Variants in MKLN1 observed in about 807,000 individuals in gnomAD.
MKLN1 encodes the protein muskelin.
In MKLN1, 18 loss-of-function variants were observed where a neutral mutation model predicts 99.0. The observed-to-expected ratio is 0.18, with a 90% CI of 0.13 to 0.27. The LOEUF (loss-of-function observed/expected upper bound fraction) is 0.27. Among genes scored for constraint, MKLN1 ranks in the 10% least tolerant of loss-of-function variants. The pLI, the probability that MKLN1 is intolerant of heterozygous loss-of-function variation, is 1.00. For synonymous variants in MKLN1, 288 were observed against 293.2 expected, an observed-to-expected ratio of 0.98 and a Z score of 0.18; for missense variants, 621 against 875.9, an observed-to-expected ratio of 0.71 and a Z score of 3.67.
intron 1 of MKLN1, among the ~76,000 whole-genome samples, chr7:131,133,813 T>TTGAG (rs397697604): frequency 8.1e-6 from 1 of 123,844 alleles, no homozygotes; most frequent in Non-Finnish European, 1.6e-5. Context: ...TTTTTTTTTT[T>TTGAG]AATTTGGTTT....
At chr7:131,316,105 G>A (rs531384284) in intron 3 of MKLN1, among the ~76,000 whole-genome samples, 1 of 152,276 alleles carries the variant, frequency 6.6e-6, no homozygotes, top group East Asian at 1.9e-4. Flanking sequence ...TCCTTAAGTG[G>A]GTCCCTGACC....
At chr7:131,396,088 A>G (rs1045941367) in intron 4 of MKLN1, among the ~76,000 whole-genome samples, 2 of 151,848 alleles carry the variant, frequency 1.3e-5, no homozygotes, top group African/African-American at 2.4e-5. Flanking sequence ...ATTTTTTTCC[A>G]CTGAGACACA....
intron 1 of MKLN1, among the ~76,000 whole-genome samples, chr7:131,116,798 ACTG>A (rs1216461791): frequency 6.6e-6 from 1 of 152,132 alleles, no homozygotes; most frequent in African/African-American, 2.4e-5. Flanking sequence ...GTGCATCACA[ACTG>A]CAGTGACATC....
chr7:131,345,581 T>G lies in MKLN1; in HGVS notation c.98+17584T>G, dbSNP rs553466769. ...AACGTTAAATTAGTCGGGTGTGGTG[T>G]TGTGCTCCTGTAGTTCTAGCTACTT... is the stretch of plus-strand genomic sequence containing the variant. On this transcript the variant is annotated intron_variant, in intron 1 of 17. Transcript: ENST00000352689. Among the ~76,000 whole-genome samples the G allele has an allele frequency of 1.1e-4, 17 of 152,186 alleles. No homozygotes were observed. The East Asian group carries it at 1.5e-3, about 14-fold the overall frequency.
intron 1 of MKLN1, among the ~76,000 whole-genome samples, chr7:131,345,427 A>G (rs1182457496): frequency 6.6e-6 from 1 of 152,354 alleles, no homozygotes; most frequent in East Asian, 1.9e-4. Flanking sequence ...TTGGGTTTTC[A>G]GATTCTCAAA....
intron 17 of MKLN1, among the ~76,000 whole-genome samples, chr7:131,483,449 A>G (rs560257696): frequency 2.0e-5 from 3 of 152,202 alleles, no homozygotes; most frequent in African/African-American, 7.2e-5. Flanking sequence ...GCCTCTGGTC[A>G]CAACATTTTA....
chr7:131,460,249 T>C (rs866101487), intron 12 of MKLN1, among the ~76,000 whole-genome samples: 3 of 152,206 alleles, frequency 2.0e-5, no homozygotes, highest in Non-Finnish European at 4.4e-5. Flanking sequence ...GGTCCCTCTC[T>C]TTTACACTGT....
intron 14 of MKLN1, among the ~76,000 whole-genome samples, chr7:131,465,263 T>C (rs560335732): frequency 6.6e-6 from 1 of 152,236 alleles, no homozygotes; most frequent in African/African-American, 2.4e-5. Flanking sequence ...TTAAATGCTT[T>C]TGTATACATA....
At chr7:131,399,142 A>T in intron 5 of MKLN1, 99 bp from the exon 6 acceptor site, 1 of 1,003,754 alleles carries the variant, frequency 1.0e-6, no homozygotes, top group Admixed American at 2.2e-5. Context: ...GTGTTAATAA[A>T]TGCTCAGTGT....
rs1797199992 is a variant in MKLN1, at chr7:131,483,979, T to G, written c.2087-3628T>G. Among the ~76,000 whole-genome samples the G allele has an allele frequency of 2.6e-5, 4 of 152,206 alleles. No individual in the cohort carries two copies. In the South Asian group the frequency reaches 8.3e-4, roughly 31 times the overall value. Reference sequence around the variant, plus strand: ...GTATATACGCATGCATACACTCATATAAATATATAGGTTTGTATGGGCTGT... The same window carrying G: ...GTATATACGCATGCATACACTCATAGAAATATATAGGTTTGTATGGGCTGT... On this transcript the variant is annotated intron_variant, in intron 17 of 17. Transcript: ENST00000352689.
At chr7:131,378,614 G>T (rs1210645921) in intron 2 of MKLN1, among the ~76,000 whole-genome samples, 1 of 152,166 alleles carries the variant, frequency 6.6e-6, no homozygotes, top group Non-Finnish European at 1.5e-5. Flanking sequence ...TGGATCACTT[G>T]TGCTCAGGAG....
Position 131,350,346 on chromosome 7 carries a change from C to T in MKLN1, c.98+22349C>T, listed in dbSNP as rs76207829. On this transcript the variant is annotated intron_variant, in intron 1 of 17. Transcript: ENST00000352689. ...GAGTTCTGGAATTACAGGCATGAGCCGCTGCACCTGGCCTTCGTTATCTAT... is the reference window on the plus strand; with the variant it reads ...GAGTTCTGGAATTACAGGCATGAGCTGCTGCACCTGGCCTTCGTTATCTAT... Among the ~76,000 whole-genome samples the T allele has an allele frequency of 3.3e-3, 499 of 152,074 alleles. 11 individuals are homozygous for T. In the East Asian group the frequency reaches 0.064, roughly 19 times the overall value.
intron 15 of MKLN1, 98 bp downstream of exon 15, chr7:131,466,513 A>G (rs1371899286): frequency 5.8e-6 from 5 of 859,256 alleles, no homozygotes; most frequent in African/African-American, 1.7e-5. Flanking sequence ...TATGAAGATC[A>G]TGAATTTTGT....
intron 3 of MKLN1, among the ~76,000 whole-genome samples, chr7:131,290,742 T>G (rs1047451797): frequency 1.3e-5 from 2 of 152,252 alleles, no homozygotes; most frequent in Non-Finnish European, 2.9e-5. Flanking sequence ...CCCAAAGATA[T>G]TTAAAGGTAA....
intron 3 of MKLN1, among the ~76,000 whole-genome samples, chr7:131,274,597 T>C (rs1797932758): frequency 6.7e-6 from 1 of 148,204 alleles, no homozygotes; most frequent in Non-Finnish European, 1.5e-5. Flanking sequence ...TGAACCATGA[T>C]TGCATCACTG....
At chr7:131,470,450 G>A (rs1156855177) in intron 15 of MKLN1, among the ~76,000 whole-genome samples, 2 of 152,180 alleles carry the variant, frequency 1.3e-5, no homozygotes, top group Admixed American at 6.5e-5. Flanking sequence ...ATCTAAGCAA[G>A]TGTTTTTATT....
intron 12 of MKLN1, among the ~76,000 whole-genome samples, chr7:131,446,807 T>C (rs557871778): frequency 4.6e-5 from 7 of 152,350 alleles, no homozygotes; most frequent in African/African-American, 1.2e-4. Flanking sequence ...CACAGTCGCA[T>C]ATGCCTGTAA....
intron 7 of MKLN1, among the ~76,000 whole-genome samples, chr7:131,413,487 A>T: frequency 6.6e-6 from 1 of 152,184 alleles, no homozygotes; most frequent in East Asian, 1.9e-4. Context: ...TTTCTAGTTC[A>T]TATCAAGTAA....
chr7:131,137,401 G>A (rs374667369), intron 1 of MKLN1, among the ~76,000 whole-genome samples: 18 of 152,270 alleles, frequency 1.2e-4, no homozygotes, highest in African/African-American at 2.9e-4. Context: ...TTATTGCAAC[G>A]TAATGTGTAT....
Sources: allele counts gnomAD v4.1 joint callset (sites outside exome capture counted in the v4.1 genomes callset), GRCh38; gene constraint gnomAD v4.1.1; transcripts MANE v1.5; gene names NCBI Gene and HGNC (gene_info 2026-07-23, HGNC 2026-07-21).